Variants in ARHGAP22 observed in about 807,000 individuals in gnomAD.
The protein encoded by ARHGAP22 is Rho GTPase activating protein 22.
ARHGAP22 carries 48 observed loss-of-function variants against 59.1 expected under a neutral mutation model. The ratio of observed to expected loss-of-function variants is 0.81; its 90% CI spans 0.64 to 1.03. The LOEUF is 1.03. Among genes scored for constraint, ARHGAP22 ranks in the 50% least tolerant of loss-of-function variants. ARHGAP22 has a pLI of 0.00. For synonymous variants in ARHGAP22, 445 were observed against 416.4 expected, an observed-to-expected ratio of 1.07 and a Z score of -0.84; for missense variants, 1,015 against 958.7, an observed-to-expected ratio of 1.06 and a Z score of -0.78.
At chr10:48,550,623 C>T (rs754199381) in intron 3 of ARHGAP22, among the ~76,000 whole-genome samples, 5 of 152,200 alleles carry the variant, frequency 3.3e-5, no homozygotes, top group Admixed American at 6.5e-5. Context: ...ATGGCGAAAC[C>T]ATGAAATAGG....
At chr10:48,477,812 G>C (rs1414532871) in intron 4 of ARHGAP22, among the ~76,000 whole-genome samples, 1 of 152,150 alleles carries the variant, frequency 6.6e-6, no homozygotes, top group South Asian at 2.1e-4. Flanking sequence ...TCTTGCCCAC[G>C]CTTCTGCTGC....
chr10:48,524,230 G>T (rs2054110835), intron 3 of ARHGAP22: 1 of 484,066 alleles, frequency 2.1e-6, no homozygotes, highest in South Asian at 8.3e-5. Context: ...GGGACCGCCG[G>T]CCCGCGGCTC....
At chr10:48,637,599 A>C (rs532612914) in intron 1 of ARHGAP22, among the ~76,000 whole-genome samples, 15 of 151,964 alleles carry the variant, frequency 9.9e-5, no homozygotes, top group African/African-American at 3.6e-4. Context: ...TAAATGGTGG[A>C]TGGGTGGGTG....
intron 5 of ARHGAP22, among the ~76,000 whole-genome samples, chr10:48,456,197 G>C (rs2046484332): frequency 6.6e-6 from 1 of 152,214 alleles, no homozygotes; most frequent in South Asian, 2.1e-4. Context: ...CAGGAAAGAT[G>C]AGACGGGGCC....
chr10:48,586,266 G>T (rs1465137427), intron 1 of ARHGAP22, among the ~76,000 whole-genome samples: 2 of 152,164 alleles, frequency 1.3e-5, no homozygotes, highest in African/African-American at 4.8e-5. Flanking sequence ...GTTTGAGTTT[G>T]CATCACTGCC....
intron 1 of ARHGAP22, among the ~76,000 whole-genome samples, chr10:48,647,224 T>C (rs1263577846): frequency 6.6e-6 from 1 of 151,932 alleles, no homozygotes; most frequent in Non-Finnish European, 1.5e-5. Flanking sequence ...TGAAACCCTG[T>C]CTCTACTAAA....
At chr10:48,449,934 C>T (rs998507048) in intron 9 of ARHGAP22, among the ~76,000 whole-genome samples, 1 of 152,234 alleles carries the variant, frequency 6.6e-6, no homozygotes, top group Non-Finnish European at 1.5e-5. Flanking sequence ...CTCCAGGGGC[C>T]GCCCCCTCCC....
chr10:48,577,801 GTTTTTTTTTTTTTTTT>G (rs34557935), intron 2 of ARHGAP22, among the ~76,000 whole-genome samples: 3 of 59,142 alleles, frequency 5.1e-5, no homozygotes, highest in Non-Finnish European at 8.8e-5. Context: ...CTCTTTTTTG[GTTTTTTTTTTTTTTTT>G]TTTTTTTTTT....
Position 48,492,978 on chromosome 10 carries a change from A to G in ARHGAP22, c.323-13214T>C, listed in dbSNP as rs150069726. On this transcript the variant is annotated intron_variant, in intron 3 of 9. Transcript: ENST00000249601. ...AATTAAAATTATTCAGATATTATAC[A>G]TATATTTGTACAAAGTCTTAAAAAT... Among the ~76,000 whole-genome samples the G allele has an allele frequency of 2.2e-3, 337 of 152,370 alleles. 2 individuals are homozygous for G. The highest frequency in any genetic ancestry group is 7.7e-3 in the African/African-American group (319 of 41,576).
At chr10:48,611,815 TCC>T (rs2060897681) in intron 1 of ARHGAP22, among the ~76,000 whole-genome samples, 1 of 8,734 alleles carries the variant, frequency 1.1e-4, no homozygotes, top group Admixed American at 1.1e-3. Flanking sequence ...TCTCTTCCCT[TCC>T]CTTCCCTTCC....
chr10:48,526,870 T>C (rs962252505), intron 3 of ARHGAP22, among the ~76,000 whole-genome samples: 1 of 152,220 alleles, frequency 6.6e-6, no homozygotes, highest in Non-Finnish European at 1.5e-5. Context: ...AGCAGACAAA[T>C]AGGAAGGCAG....
chr10:48,511,922 T>C (rs2052810189), intron 3 of ARHGAP22, among the ~76,000 whole-genome samples: 3 of 152,238 alleles, frequency 2.0e-5, no homozygotes, highest in African/African-American at 7.2e-5. Flanking sequence ...CAGCAGTCCC[T>C]GGCCACCTCC....
At chr10:48,640,845 C>A (rs11817792) in intron 1 of ARHGAP22, among the ~76,000 whole-genome samples, 6,694 of 152,056 alleles carry the variant, frequency 0.044, 431 homozygotes, top group African/African-American at 0.15. Context: ...TTTATTTTTC[C>A]TCTTAACATC....
upstream of ARHGAP22, among the ~76,000 whole-genome samples, chr10:48,655,008 C>CTCTTTCTTTCTTTCTT (rs369212947): frequency 0.014 from 1,069 of 76,468 alleles, 175 homozygotes; most frequent in Non-Finnish European, 0.018. Flanking sequence ...CTCTTTCTTT[C>CTCTTTCTTTCTTTCTT]TCTTTCTTTC....
At chr10:48,612,844 C>T (rs2060946500) in intron 1 of ARHGAP22, among the ~76,000 whole-genome samples, 1 of 152,190 alleles carries the variant, frequency 6.6e-6, no homozygotes, top group Admixed American at 6.5e-5. Context: ...TGCAGTCCCC[C>T]ACTTTTCCAT....
upstream of ARHGAP22, among the ~76,000 whole-genome samples, chr10:48,654,773 A>ACTTTCTTTCTTTCTTT (rs201340687): frequency 8.5e-4 from 96 of 112,332 alleles, 1 homozygote; most frequent in Admixed American, 2.2e-3. Context: ...CATGCTGATT[A>ACTTTCTTTCTTTCTTT]CTTTCTTTCT....
At chr10:48,587,396 A>T (rs1358007530) in intron 1 of ARHGAP22, among the ~76,000 whole-genome samples, 1 of 152,222 alleles carries the variant, frequency 6.6e-6, no homozygotes, top group African/African-American at 2.4e-5. Context: ...GAGTTTTCTT[A>T]TCTGGGTCTC....
chr10:48,640,664 C>T (rs1368319185), intron 1 of ARHGAP22, among the ~76,000 whole-genome samples: 1 of 151,998 alleles, frequency 6.6e-6, no homozygotes, highest in Non-Finnish European at 1.5e-5. Flanking sequence ...AAGATATTTC[C>T]AGAAAAACAA....
chr10:48,634,927 A>G (rs1486918380), intron 1 of ARHGAP22, among the ~76,000 whole-genome samples: 1 of 152,226 alleles, frequency 6.6e-6, no homozygotes, highest in Non-Finnish European at 1.5e-5. Context: ...AGACACAGGA[A>G]GAAGGTGATA....
Sources: allele counts gnomAD v4.1 joint callset (sites outside exome capture counted in the v4.1 genomes callset), GRCh38; gene constraint gnomAD v4.1.1; transcripts MANE v1.5; gene names NCBI Gene and HGNC (gene_info 2026-07-23, HGNC 2026-07-21).